The following ZNF827 variants were observed in gnomAD, a reference collection of about 807,000 sequenced individuals.
ZNF827 encodes zinc finger protein 827.
ZNF827 carries 13 observed loss-of-function variants against 102.4 expected under a neutral mutation model. The ratio of observed to expected loss-of-function variants is 0.13; its 90% CI spans 0.08 to 0.20. The LOEUF (loss-of-function observed/expected upper bound fraction) is 0.20. Ranked by LOEUF, ZNF827 falls within the 10% of genes least tolerant of loss-of-function variation. The pLI is 1.00. For synonymous variants in ZNF827, 523 were observed against 536.2 expected, an observed-to-expected ratio of 0.98 and a Z score of 0.34; for missense variants, 1,103 against 1,344.4, an observed-to-expected ratio of 0.82 and a Z score of 2.81.
intron 5 of ZNF827, among the ~76,000 whole-genome samples, chr4:145,853,010 C>T (rs1289265517): frequency 6.6e-6 from 1 of 152,240 alleles, no homozygotes; most frequent in Non-Finnish European, 1.5e-5. Context: ...GCAAAACCAT[C>T]CTGGTTGAAA....
intron 1 of ZNF827, among the ~76,000 whole-genome samples, chr4:145,936,193 A>C (rs1419680379): frequency 1.4e-5 from 2 of 148,100 alleles, no homozygotes; most frequent in Non-Finnish European, 1.5e-5. Context: ...CGCCCCCGAC[A>C]AGAGCCCGGC....
At chr4:145,826,966 C>T (rs1255907656) in intron 7 of ZNF827, among the ~76,000 whole-genome samples, 4 of 152,054 alleles carry the variant, frequency 2.6e-5, no homozygotes, top group South Asian at 2.1e-4. Context: ...AGGCTGGTCT[C>T]GATTTTCTGA....
At chr4:145,899,783 A>T (rs973840074) in intron 2 of ZNF827, among the ~76,000 whole-genome samples, 1 of 152,132 alleles carries the variant, frequency 6.6e-6, no homozygotes, top group Non-Finnish European at 1.5e-5. Context: ...TTGAAATGGG[A>T]GAGTTGGGGT....
chr4:145,906,252 G>C (rs1289165864), intron 1 of ZNF827, among the ~76,000 whole-genome samples: 1 of 152,162 alleles, frequency 6.6e-6, no homozygotes, highest in African/African-American at 2.4e-5. Context: ...CTGAGCAGCT[G>C]CTCACCCGCT....
chr4:145,787,458 T>C lies in ZNF827; in HGVS notation c.2384-7947A>G, dbSNP rs1398836165. Among the ~76,000 whole-genome samples, 4 of 139,642 alleles carry C rather than the reference T, an allele frequency of 2.9e-5. No homozygotes were observed. The East Asian group carries it at 8.2e-4, about 29-fold the overall frequency. The allele number at this position is 139,642 out of a possible 152,430, so 91.6% of individuals were successfully genotyped here. A position where few individuals can be genotyped will look rare whatever the true frequency, so the allele number is the denominator to read the frequency against. ...GCCCGGGTGACAGAGTGAGACTCCG[T>C]CTCAGGAAAAAAAAAAAAAAAAAAA... On this transcript the variant is annotated intron_variant, in intron 8 of 14. Coordinates refer to ENST00000508784, the MANE Select transcript of ZNF827 (RefSeq NM_001306215.2).
intron 5 of ZNF827, among the ~76,000 whole-genome samples, chr4:145,860,912 T>G (rs944352171): frequency 6.6e-6 from 1 of 152,252 alleles, no homozygotes; most frequent in Non-Finnish European, 1.5e-5. Context: ...TGGGCTAATA[T>G]GGACACTCCC....
chr4:145,837,934 T>G (rs978091415), intron 7 of ZNF827, among the ~76,000 whole-genome samples: 1 of 152,152 alleles, frequency 6.6e-6, no homozygotes, highest in African/African-American at 2.4e-5. Context: ...TAATCCCGCT[T>G]GAAGCAGCCC....
intron 3 of ZNF827, among the ~76,000 whole-genome samples, chr4:145,887,938 A>T (rs1433181950): frequency 6.6e-6 from 1 of 152,142 alleles, no homozygotes; most frequent in Non-Finnish European, 1.5e-5. Flanking sequence ...ACATCTACTG[A>T]CCCAGGAGAG....
At position 145,760,976 on chromosome 4, in the gene ZNF827, C is replaced by T. The variant is rs1300726191; in HGVS notation, c.*640G>A. The T allele has an allele frequency of 4.8e-6, 6 of 1,242,954 alleles. No individual in the cohort carries two copies. The highest frequency in any genetic ancestry group is 5.7e-5 in the East Asian group (1 of 17,494). 77.0% of individuals were successfully genotyped at this position (1,242,954 alleles called of 1,614,324 possible). A position where few individuals can be genotyped will look rare whatever the true frequency, so the allele number is the denominator to read the frequency against. On this transcript the variant is annotated 3_prime_UTR_variant, in exon 15 of 15. Transcript: ENST00000508784. ...TACTTGTCAAAGCGCAAAGGGGAGC[C>T]GTTGAAGGCCAAAGCCTTGAGTGCC...
chr4:145,847,462 A>C (rs1286533608), intron 6 of ZNF827, among the ~76,000 whole-genome samples: 2 of 152,196 alleles, frequency 1.3e-5, no homozygotes, highest in African/African-American at 4.8e-5. Flanking sequence ...GGGGATATAA[A>C]AACAGCCTAA....
At chr4:145,821,944 C>G (rs528311568) in intron 8 of ZNF827, among the ~76,000 whole-genome samples, 69 of 152,090 alleles carry the variant, frequency 4.5e-4, no homozygotes, top group Non-Finnish European at 8.7e-4. Context: ...GGATGCTGGC[C>G]GTATGGGTCA....
Position 145,784,365 on chromosome 4 carries a change from A to G in ZNF827, c.2384-4854T>C, listed in dbSNP as rs190075865. 4.6e-4 allele frequency among the ~76,000 whole-genome samples: 70 copies of G among 152,244 alleles called. 1 individual carries two copies. The East Asian group carries it at 9.1e-3, about 20-fold the overall frequency. ...TCAGCCACCGTTGGTTGGGTTTTCT[A>G]TTACTTATAACACTCTTAACTGAAG... On this transcript the variant is annotated intron_variant, in intron 8 of 14. Transcript: ENST00000508784.
rs780602677 is a variant in ZNF827 at position 145,885,933 on chromosome 4, C to A, written c.1492G>T (p.Val498Leu). Reference sequence around the variant, plus strand: ...GTGTTAGACGTCATCATGGTCCCCACTAGCTCTGTCCCTCCTCCTTCCCTT... The same window carrying A: ...GTGTTAGACGTCATCATGGTCCCCAATAGCTCTGTCCCTCCTCCTTCCCTT... ...QQREGGGTEL[V>L]GTMMTSNTPE... Residue 498 changes from valine (V) to leucine (L), a missense_variant, in exon 4 of 15, where the codon GTG (valine) becomes TTG (leucine). Coordinates refer to ENST00000508784, the MANE Select transcript of ZNF827 (RefSeq NM_001306215.2). The A allele has an allele frequency of 1.2e-6, 2 of 1,614,226 alleles. No homozygotes were observed. Among genetic ancestry groups the A allele is most frequent in the Non-Finnish European group, 1.7e-6 (2 of 1,180,032 alleles).
chr4:145,771,272 T>G (rs1736236631), intron 11 of ZNF827, among the ~76,000 whole-genome samples: 1 of 152,224 alleles, frequency 6.6e-6, no homozygotes. Flanking sequence ...GTCAGATCTC[T>G]CGATTGTTTT....
chr4:145,907,559 C>G (rs1459608855), intron 1 of ZNF827, among the ~76,000 whole-genome samples: 1 of 152,246 alleles, frequency 6.6e-6, no homozygotes. Context: ...AGACTCTTCA[C>G]ATGGTCACAG....
In ZNF827 at chr4:145,761,642, C is replaced by T. The variant is rs1386153014; in HGVS notation, c.*18-44G>A. 7.8e-6 allele frequency: 9 copies of T among 1,156,162 alleles called. No homozygotes were observed. Among genetic ancestry groups the T allele is most frequent in the East Asian group, 1.2e-4 (2 of 17,016 alleles). The allele number at this position is 1,156,162 out of a possible 1,614,324, so 71.6% of individuals were successfully genotyped here. On this transcript the variant is annotated intron_variant, in intron 14 of 14. Transcript: ENST00000508784. The surrounding 1 kb of genome is among the most constrained non-coding windows in gnomAD (Gnocchi z 6.8). ...CAAGGGAGGTTCAGCCGGGAAGGTT[C>T]GGAGGCAGCCGCGCTTCTCGCCGCC...
At chr4:145,909,189 T>C (rs1752087539) in intron 1 of ZNF827, among the ~76,000 whole-genome samples, 1 of 152,220 alleles carries the variant, frequency 6.6e-6, no homozygotes, top group South Asian at 2.1e-4. Flanking sequence ...AACTATTACA[T>C]TATAAATACC....
intron 1 of ZNF827, among the ~76,000 whole-genome samples, chr4:145,904,729 T>TGC (rs1263348815): frequency 2.6e-5 from 4 of 152,094 alleles, no homozygotes; most frequent in African/African-American, 7.3e-5. Context: ...TGTGTGTGTG[T>TGC]GCGCGTGTGT....
At chr4:145,936,897 CGGGAGAGGGGAG>C (rs1371200522) in intron 1 of ZNF827, among the ~76,000 whole-genome samples, 2 of 151,976 alleles carry the variant, frequency 1.3e-5, no homozygotes, top group Non-Finnish European at 2.9e-5. Flanking sequence ...GCCAAACCGC[CGGGAGAGGGGAG>C]TAGTGTGGGG....
Sources: gnomAD v4.1 joint callset for allele counts (sites outside exome capture counted in the v4.1 genomes callset) on GRCh38, gnomAD v4.1.1 for gene constraint, Gnocchi (gnomAD v3.1) non-coding constraint, MANE v1.5 for transcripts, NCBI Gene and HGNC (gene_info 2026-07-23, HGNC 2026-07-21) for gene names.